The following CCSER1 variants were observed in gnomAD, a reference collection of about 807,000 sequenced individuals.
The protein encoded by CCSER1 is coiled-coil serine rich protein 1.
CCSER1 carries 41 observed loss-of-function variants against 82.0 expected under a neutral mutation model. That is an observed-to-expected ratio of 0.50 (90% confidence interval 0.39 to 0.65). The LOEUF (loss-of-function observed/expected upper bound fraction) is 0.65, where lower values mean the gene tolerates loss of function less well. Ranked by LOEUF, CCSER1 falls within the 30% of genes least tolerant of loss-of-function variation. CCSER1 has a pLI of 0.00. For synonymous variants in CCSER1, 414 were observed against 383.9 expected (o/e 1.08, Z -0.92); for missense variants, 1,119 against 1,064.2 (o/e 1.05, Z -0.72).
intron 10 of CCSER1, among the ~76,000 whole-genome samples, chr4:91,419,133 T>C (rs749884095): frequency 6.6e-6 from 1 of 152,042 alleles, no homozygotes; most frequent in East Asian, 1.9e-4. Flanking sequence ...ACATACTCAA[T>C]AGTGAAAAGC....
intron 1 of CCSER1, among the ~76,000 whole-genome samples, chr4:90,154,256 G>A (rs909711372): frequency 6.6e-6 from 1 of 152,204 alleles, no homozygotes; most frequent in Admixed American, 6.5e-5. Context: ...TTTGGTACCA[G>A]TACCATGCTG....
At chr4:91,114,913 A>G (rs950961493) in intron 10 of CCSER1, among the ~76,000 whole-genome samples, 1 of 152,204 alleles carries the variant, frequency 6.6e-6, no homozygotes, top group Non-Finnish European at 1.5e-5. Flanking sequence ...AAAATGTAAG[A>G]AATTAATGTA....
At chr4:91,324,002 A>T (rs1211670379) in intron 10 of CCSER1, among the ~76,000 whole-genome samples, 2 of 152,222 alleles carry the variant, frequency 1.3e-5, no homozygotes, top group East Asian at 3.8e-4. Context: ...GAAGAAAGGC[A>T]TGCATTTGAC....
At chr4:91,104,586 A>G (rs6851047) in intron 10 of CCSER1, among the ~76,000 whole-genome samples, 9,829 of 152,308 alleles carry the variant, frequency 0.065, 388 homozygotes, top group Middle Eastern at 0.085. Context: ...TAATAGCTTT[A>G]AGTAGAATTG....
intron 10 of CCSER1, among the ~76,000 whole-genome samples, chr4:91,324,375 G>A (rs925021585): frequency 1.3e-5 from 2 of 152,136 alleles, no homozygotes; most frequent in African/African-American, 2.4e-5. Flanking sequence ...AAAGTGTTTA[G>A]AAGAGAATTC....
chr4:91,321,274 A>G (rs186593315), intron 10 of CCSER1, among the ~76,000 whole-genome samples: 1 of 152,232 alleles, frequency 6.6e-6, no homozygotes, highest in African/African-American at 2.4e-5. Flanking sequence ...GTTTTGGTGA[A>G]TTACACCACT....
intron 10 of CCSER1, among the ~76,000 whole-genome samples, chr4:91,331,440 A>C (rs1746945926): frequency 6.6e-6 from 1 of 152,112 alleles, no homozygotes; most frequent in African/African-American, 2.4e-5. Context: ...ATCATCTTTT[A>C]GCCTCATCTT....
At chr4:91,035,826 G>T (rs11733401) in intron 9 of CCSER1, among the ~76,000 whole-genome samples, 7,097 of 152,196 alleles carry the variant, frequency 0.047, 406 homozygotes, top group African/African-American at 0.14. Flanking sequence ...TTCCCAAACT[G>T]CTGATTACAA....
At chr4:90,962,411 G>A (rs1325563714) in intron 9 of CCSER1, among the ~76,000 whole-genome samples, 2 of 151,880 alleles carry the variant, frequency 1.3e-5, no homozygotes, top group Non-Finnish European at 2.9e-5. Flanking sequence ...TTTAAACATA[G>A]CAATGAAAGA....
intron 10 of CCSER1, among the ~76,000 whole-genome samples, chr4:91,299,627 T>C (rs1310476016): frequency 2.6e-5 from 4 of 151,912 alleles, no homozygotes; most frequent in African/African-American, 9.7e-5. Context: ...ACAGCGTAAA[T>C]AAGAAAATAG....
At chr4:91,007,510 G>A (rs1193497009) in intron 9 of CCSER1, among the ~76,000 whole-genome samples, 13 of 151,854 alleles carry the variant, frequency 8.6e-5, no homozygotes, top group South Asian at 2.1e-4. Flanking sequence ...CTTAAATCCC[G>A]GTAGCTTGTA....
chr4:90,376,486 C>A (rs1748335678), intron 3 of CCSER1, among the ~76,000 whole-genome samples: 1 of 152,064 alleles, frequency 6.6e-6, no homozygotes, highest in African/African-American at 2.4e-5. Context: ...TGGATTAATG[C>A]CTTGGATCAA....
chr4:90,537,659 AT>A (rs1183257062), intron 5 of CCSER1, among the ~76,000 whole-genome samples: 1 of 152,132 alleles, frequency 6.6e-6, no homozygotes, highest in African/African-American at 2.4e-5. Context: ...TATGTGTGGA[AT>A]TTAGCTTCCT....
chr4:90,472,382 C>CT (rs1015106241), intron 5 of CCSER1, among the ~76,000 whole-genome samples: 22 of 152,102 alleles, frequency 1.4e-4, no homozygotes, highest in East Asian at 1.4e-3. Flanking sequence ...TTACTTTTGA[C>CT]TTTTTTTATT....
At chr4:91,576,991 G>A (rs1355752675) in intron 10 of CCSER1, among the ~76,000 whole-genome samples, 2 of 87,372 alleles carry the variant, frequency 2.3e-5, no homozygotes, top group Non-Finnish European at 4.8e-5. Context: ...TTTAATTTTT[G>A]TTTTCAATTA....
intron 7 of CCSER1, among the ~76,000 whole-genome samples, chr4:90,740,284 G>T (rs1580241689): frequency 6.6e-6 from 1 of 151,596 alleles, no homozygotes; most frequent in Admixed American, 6.6e-5. Flanking sequence ...TTTTCTCTTG[G>T]TTCAGTCAAG....
At chr4:91,489,258 G>T (rs1385036594) in intron 10 of CCSER1, among the ~76,000 whole-genome samples, 1 of 152,152 alleles carries the variant, frequency 6.6e-6, no homozygotes, top group East Asian at 1.9e-4. Context: ...GGTCAGAAAT[G>T]TAGATGAGTA....
chr4:91,195,506 A>T (rs901600654), intron 10 of CCSER1, among the ~76,000 whole-genome samples: 1 of 152,188 alleles, frequency 6.6e-6, no homozygotes, highest in Non-Finnish European at 1.5e-5. Context: ...CTCAGGGTCT[A>T]CTTGAATCAT....
At position 90,692,152 on chromosome 4, in the gene CCSER1, A is replaced by G. The variant is rs192470095; in HGVS notation, c.1933-31762A>G. 4.8e-4 allele frequency among the ~76,000 whole-genome samples: 72 copies of G among 151,052 alleles called. 1 individual carries two copies. The East Asian group carries it at 0.011, about 24-fold the overall frequency. On this transcript the variant is annotated intron_variant, in intron 6 of 10. Transcript: ENST00000509176. ...AAGGTATTTCTCATTCACAAATCTC[A>G]TTATAAAGTTAAAGATAAATTACTT...
Sources: gnomAD v4.1 joint callset for allele counts (sites outside exome capture counted in the v4.1 genomes callset) on GRCh38, gnomAD v4.1.1 for gene constraint, MANE v1.5 for transcripts, NCBI Gene and HGNC (gene_info 2026-07-23, HGNC 2026-07-21) for gene names.